The following DOCK4 variants were observed in gnomAD, a reference collection of about 807,000 sequenced individuals.
DOCK4 encodes the protein dedicator of cytokinesis protein 4.
Under a neutral mutation model 268.1 loss-of-function variants are expected in DOCK4, and 97 were observed. The observed-to-expected ratio is 0.36, with a 90% CI of 0.31 to 0.43. The LOEUF is 0.43. DOCK4 is among the 20% of genes least tolerant of loss of function. DOCK4 has a pLI of 1.00. For missense variants in DOCK4, 2,145 were observed against 2,455.7 expected, an observed-to-expected ratio of 0.87 and a Z score of 2.67; for synonymous variants, 954 against 887.2, an observed-to-expected ratio of 1.08 and a Z score of -1.34.
At chr7:111,760,587 A>C (rs529496828) in intron 39 of DOCK4, among the ~76,000 whole-genome samples, 26 of 152,330 alleles carry the variant, frequency 1.7e-4, no homozygotes, top group Admixed American at 3.9e-4. Flanking sequence ...AAAGAGGTGG[A>C]TTCTCAGAGC....
chr7:111,947,470 A>AT (rs1002780104), intron 8 of DOCK4, among the ~76,000 whole-genome samples: 1 of 151,260 alleles, frequency 6.6e-6, no homozygotes, highest in Non-Finnish European at 1.5e-5. Context: ...TATTACCTAT[A>AT]TTTTTTCCCA....
At chr7:111,992,013 A>G (rs977856606) in intron 5 of DOCK4, among the ~76,000 whole-genome samples, 1 of 150,694 alleles carries the variant, frequency 6.6e-6, no homozygotes, top group Non-Finnish European at 1.5e-5. Flanking sequence ...CCCAGGAAAA[A>G]GAGATGTAAA....
intron 35 of DOCK4, among the ~76,000 whole-genome samples, chr7:111,781,856 A>G (rs546640248): frequency 2.6e-5 from 4 of 152,312 alleles, no homozygotes; most frequent in African/African-American, 7.2e-5. Context: ...AGACAAAATC[A>G]AAGTAGGGGC....
At chr7:112,202,566 C>A (rs1821038641) in intron 1 of DOCK4, among the ~76,000 whole-genome samples, 1 of 152,080 alleles carries the variant, frequency 6.6e-6, no homozygotes, top group South Asian at 2.1e-4. Flanking sequence ...AAATATCACA[C>A]TGTACACCAT....
At chr7:112,048,571 A>C (rs1805057444) in intron 1 of DOCK4, among the ~76,000 whole-genome samples, 1 of 123,210 alleles carries the variant, frequency 8.1e-6, no homozygotes, top group African/African-American at 3.2e-5. Context: ...TCAAAAAAAC[A>C]AAAAAAAACA....
At chr7:111,794,302 C>G (rs971821113) in intron 30 of DOCK4, among the ~76,000 whole-genome samples, 1 of 152,182 alleles carries the variant, frequency 6.6e-6, no homozygotes, top group Non-Finnish European at 1.5e-5. Context: ...ACACTGAATA[C>G]TCTAGCAGGT....
At chr7:112,109,805 C>T (rs1439994416) in intron 1 of DOCK4, among the ~76,000 whole-genome samples, 4 of 144,506 alleles carry the variant, frequency 2.8e-5, no homozygotes, top group Non-Finnish European at 6.0e-5. Context: ...AGTGCAGTGG[C>T]GGGATCTCGG....
intron 50 of DOCK4, 100 bp from the exon 51 acceptor site, chr7:111,735,267 T>A: frequency 1.3e-6 from 1 of 768,806 alleles, no homozygotes; most frequent in Non-Finnish European, 2.0e-6. Context: ...ATGAAAAACT[T>A]AACTGGATGA....
intron 39 of DOCK4, 51 bp from the exon 40 acceptor site, chr7:111,760,373 C>T (rs1049911862): frequency 6.4e-7 from 1 of 1,565,408 alleles, no homozygotes; most frequent in East Asian, 2.3e-5. Context: ...GAGTGGATTA[C>T]AGACAGAGCC....
chr7:111,887,131 T>C (rs1807915708), intron 16 of DOCK4, among the ~76,000 whole-genome samples: 1 of 151,936 alleles, frequency 6.6e-6, no homozygotes, highest in African/African-American at 2.4e-5. Flanking sequence ...GAGGTGGAAC[T>C]GACCAGTCAT....
intron 12 of DOCK4, among the ~76,000 whole-genome samples, chr7:111,932,144 T>C (rs186081955): frequency 2.0e-5 from 3 of 152,294 alleles, no homozygotes; most frequent in Admixed American, 1.3e-4. Flanking sequence ...TGGACAATTA[T>C]ATATTCAAAC....
intron 1 of DOCK4, among the ~76,000 whole-genome samples, chr7:112,159,955 A>G (rs923443463): frequency 2.0e-5 from 3 of 152,062 alleles, no homozygotes; most frequent in South Asian, 2.1e-4. Flanking sequence ...CCCAAAATCC[A>G]AAATGCTCCC....
intron 1 of DOCK4, among the ~76,000 whole-genome samples, chr7:112,091,046 T>C (rs1809578265): frequency 6.6e-6 from 1 of 150,458 alleles, no homozygotes; most frequent in Non-Finnish European, 1.5e-5. Flanking sequence ...AACATTAGAC[T>C]GAAGAGGTAC....
chr7:111,773,934 T>C (rs1487475139), intron 36 of DOCK4, among the ~76,000 whole-genome samples: 1 of 151,750 alleles, frequency 6.6e-6, no homozygotes, highest in Non-Finnish European at 1.5e-5. Flanking sequence ...GGAGGATCGC[T>C]TGGGCTTGGG....
intron 35 of DOCK4, among the ~76,000 whole-genome samples, chr7:111,781,864 G>T (rs1202761475): frequency 6.6e-6 from 1 of 152,022 alleles, no homozygotes; most frequent in Non-Finnish European, 1.5e-5. Flanking sequence ...TCAAAGTAGG[G>T]GCAAAAGAAT....
chr7:112,063,213 T>C (rs1168400537), intron 1 of DOCK4, among the ~76,000 whole-genome samples: 1 of 152,220 alleles, frequency 6.6e-6, no homozygotes, highest in Non-Finnish European at 1.5e-5. Flanking sequence ...TTAAAGCTAC[T>C]GTTCAAGAGA....
chr7:111,787,286 G>C (rs1429067412), intron 32 of DOCK4, among the ~76,000 whole-genome samples: 1 of 152,142 alleles, frequency 6.6e-6, no homozygotes. Flanking sequence ...CCAAGGACTA[G>C]TAACTGAAAT....
chr7:111,757,249 G>T (rs1797083573), intron 41 of DOCK4, among the ~76,000 whole-genome samples: 1 of 152,022 alleles, frequency 6.6e-6, no homozygotes, highest in Non-Finnish European at 1.5e-5. Context: ...ATTTTTTAGG[G>T]AGATTGCTGC....
intron 24 of DOCK4, 83 bp downstream of exon 24, chr7:111,846,916 T>C: frequency 1.4e-6 from 2 of 1,448,362 alleles, no homozygotes; most frequent in South Asian, 1.6e-5. Context: ...TCCTCTTTAG[T>C]GCGGTTTCTT....
Sources: gnomAD v4.1 joint callset for allele counts (sites outside exome capture counted in the v4.1 genomes callset) on GRCh38, gnomAD v4.1.1 for gene constraint, MANE v1.5 for transcripts, NCBI Gene and HGNC (gene_info 2026-07-23, HGNC 2026-07-21) for gene names.